The following EYS variants were observed in gnomAD, a reference collection of about 807,000 sequenced individuals.
The protein encoded by EYS is EGF-like photoreceptor maintenance factor, also known as protein eyes shut homolog.
In EYS, 250 loss-of-function variants were observed where a neutral mutation model predicts 282.1. The ratio of observed to expected loss-of-function variants is 0.89; its 90% CI spans 0.80 to 0.98. The LOEUF is 0.98. Among genes scored for constraint, EYS ranks in the 50% least tolerant of loss-of-function variants. The pLI, the probability that EYS is intolerant of heterozygous loss-of-function variation, is 0.00. For synonymous variants in EYS, 1,355 were observed against 1,282.9 expected (o/e 1.06, Z -1.20); for missense variants, 4,016 against 3,709.0 (o/e 1.08, Z -2.15).
chr6:64,397,229 C>T (rs867240513), intron 28 of EYS, among the ~76,000 whole-genome samples: 1 of 151,918 alleles, frequency 6.6e-6, no homozygotes, highest in Non-Finnish European at 1.5e-5. Flanking sequence ...AGTGGATTTA[C>T]TTTTCCATAT....
chr6:63,874,779 T>A (rs1316076233), intron 35 of EYS, among the ~76,000 whole-genome samples: 1 of 152,230 alleles, frequency 6.6e-6, no homozygotes, highest in Non-Finnish European at 1.5e-5. Context: ...GTTTGTCTGT[T>A]ATTGGTATAT....
At chr6:63,834,082 T>C (rs1157940258) in intron 36 of EYS, among the ~76,000 whole-genome samples, 1 of 152,134 alleles carries the variant, frequency 6.6e-6, no homozygotes, top group African/African-American at 2.4e-5. Context: ...AAGACTTAAA[T>C]GTTAGACCTA....
chr6:65,158,807 A>G (rs573700005), intron 12 of EYS, among the ~76,000 whole-genome samples: 5 of 150,976 alleles, frequency 3.3e-5, no homozygotes, highest in African/African-American at 4.8e-5. Flanking sequence ...TTTCAGCACA[A>G]AAGATATACA....
chr6:65,682,592 T>A (rs574314424), intron 1 of EYS, among the ~76,000 whole-genome samples: 1 of 152,090 alleles, frequency 6.6e-6, no homozygotes, highest in Admixed American at 6.6e-5. Context: ...TCAACAAACA[T>A]TTTTATAGAT....
chr6:65,366,255 C>T (rs1160084261), intron 8 of EYS, among the ~76,000 whole-genome samples: 2 of 151,698 alleles, frequency 1.3e-5, no homozygotes, highest in Non-Finnish European at 2.9e-5. Context: ...TGCAGTTTCA[C>T]TAAGCAGTTG....
intron 5 of EYS, among the ~76,000 whole-genome samples, chr6:65,416,833 T>C (rs1714961994): frequency 1.3e-5 from 2 of 152,006 alleles, no homozygotes; most frequent in Non-Finnish European, 2.9e-5. Flanking sequence ...AGGATGATAA[T>C]TTGCCTTTCA....
chr6:64,247,750 A>T (rs1201822621), intron 30 of EYS, among the ~76,000 whole-genome samples: 2 of 147,084 alleles, frequency 1.4e-5, no homozygotes, highest in Admixed American at 6.7e-5. Context: ...CACAAGAATT[A>T]AAAAAAAACT....
At chr6:64,531,980 GGTGGA>G (rs1312297784) in intron 26 of EYS, among the ~76,000 whole-genome samples, 1 of 152,084 alleles carries the variant, frequency 6.6e-6, no homozygotes, top group Non-Finnish European at 1.5e-5. Context: ...GTCTCAAATA[GGTGGA>G]CATAAAGCAT....
chr6:65,276,314 T>C (rs1768046601), intron 12 of EYS, among the ~76,000 whole-genome samples: 1 of 152,096 alleles, frequency 6.6e-6, no homozygotes, highest in African/African-American at 2.4e-5. Flanking sequence ...TTATTCCTAG[T>C]GACCCACTAA....
chr6:65,344,931 A>C (rs1770338382), intron 9 of EYS, among the ~76,000 whole-genome samples: 1 of 151,714 alleles, frequency 6.6e-6, no homozygotes, highest in South Asian at 2.1e-4. Flanking sequence ...AGAGGACAGT[A>C]TTTATCTAAA....
intron 30 of EYS, among the ~76,000 whole-genome samples, chr6:64,302,395 A>C (rs185088341): frequency 6.6e-6 from 1 of 152,264 alleles, no homozygotes; most frequent in African/African-American, 2.4e-5. Context: ...CACATCCCTA[A>C]ATTTGGAAAC....
chr6:63,942,303 C>T (rs777974344), intron 35 of EYS, among the ~76,000 whole-genome samples: 2 of 152,098 alleles, frequency 1.3e-5, no homozygotes, highest in Non-Finnish European at 2.9e-5. Context: ...ACAACTGTGT[C>T]CAGATAGGCA....
chr6:64,306,963 A>G lies in EYS; in HGVS notation c.6191+7T>C. On this transcript the variant is annotated splice_region_variant and intron_variant, in intron 30 of 42. Coordinates refer to ENST00000503581, the MANE Select transcript of EYS (RefSeq NM_001142800.2). ...AGTTATTAGAAAAATCACTACTGCT[A>G]TTTTACCTGCAATTGTTAATGTGAT... The G allele has an allele frequency of 7.4e-7, 1 of 1,342,450 alleles. No individual in the cohort carries two copies. Among genetic ancestry groups the G allele is most frequent in the Non-Finnish European group, 1.0e-6 (1 of 960,058 alleles). 83.2% of individuals were successfully genotyped at this position (1,342,450 alleles called of 1,614,324 possible).
chr6:64,093,889 A>T (rs1029854194), intron 31 of EYS, among the ~76,000 whole-genome samples: 1 of 152,032 alleles, frequency 6.6e-6, no homozygotes, highest in African/African-American at 2.4e-5. Flanking sequence ...TTGGCTGTGG[A>T]TTTGTCATAG....
chr6:65,594,820 C>A (rs896708747), intron 2 of EYS, among the ~76,000 whole-genome samples: 3 of 152,010 alleles, frequency 2.0e-5, no homozygotes, highest in African/African-American at 4.8e-5. Context: ...GTCTTTAATC[C>A]ATCTTGAACT....
At chr6:63,920,637 A>T (rs1432800125) in intron 35 of EYS, among the ~76,000 whole-genome samples, 1 of 152,190 alleles carries the variant, frequency 6.6e-6, no homozygotes, top group Admixed American at 6.5e-5. Context: ...GAACCACATG[A>T]GTTGGATTCA....
intron 41 of EYS, chr6:63,744,296 CTG>C (rs1361549752): frequency 5.9e-5 from 9 of 152,106 alleles, no homozygotes; most frequent in South Asian, 2.1e-4. Flanking sequence ...AAAAAGGACA[CTG>C]TTTTATCTTC....
chr6:64,835,919 C>T (rs996331470), intron 19 of EYS, among the ~76,000 whole-genome samples: 4 of 151,504 alleles, frequency 2.6e-5, no homozygotes, highest in African/African-American at 9.7e-5. Flanking sequence ...ATGATATTAG[C>T]AATAAAAATA....
chr6:64,210,563 A>G (rs775466066), intron 31 of EYS, among the ~76,000 whole-genome samples: 1 of 152,204 alleles, frequency 6.6e-6, no homozygotes, highest in Non-Finnish European at 1.5e-5. Context: ...ATATAGTCAC[A>G]TTCTGAAGTA....
Sources: allele counts gnomAD v4.1 joint callset (sites outside exome capture counted in the v4.1 genomes callset), GRCh38; gene constraint gnomAD v4.1.1; transcripts MANE v1.5; gene names NCBI Gene and HGNC (gene_info 2026-07-23, HGNC 2026-07-21).